The following CREB3L1 variants were observed in gnomAD, a reference collection of about 807,000 sequenced individuals.
CREB3L1 encodes the protein cAMP responsive element binding protein 3 like 1.
Under a neutral mutation model 54.5 loss-of-function variants are expected in CREB3L1, and 33 were observed. That is an observed-to-expected ratio of 0.61 (90% CI 0.46 to 0.81). The LOEUF (loss-of-function observed/expected upper bound fraction) is 0.81. Among genes scored for constraint, CREB3L1 ranks in the 30% least tolerant of loss-of-function variants. The pLI is 0.00. For synonymous variants in CREB3L1, 284 were observed against 286.4 expected (o/e 0.99, Z 0.08); for missense variants, 656 against 673.3 (o/e 0.97, Z 0.29).
rs1480005973 is a variant in CREB3L1, at chr11:46,320,373, G to T, written c.1368G>T (p.Gly456=). The T allele has an allele frequency of 6.2e-7, 1 of 1,610,704 alleles. No homozygotes were observed. The highest frequency in any genetic ancestry group is 1.3e-5 in the African/African-American group (1 of 74,848). Residue 456 remains glycine, a synonymous_variant, in exon 11 of 12, where the codon GGG becomes GGT. Transcript: ENST00000621158. ...EPPDGWEINP[G]GPAEQRPRDH... ...CAGATGGCTGGGAAATCAACCCCGGGGGGCCGGCAGAGCAGCGGCCCCGGG... is the reference window on the plus strand; with the variant it reads ...CAGATGGCTGGGAAATCAACCCCGGTGGGCCGGCAGAGCAGCGGCCCCGGG...
At chr11:46,288,114 G>A (rs949160432) in intron 1 of CREB3L1, among the ~76,000 whole-genome samples, 16 of 150,556 alleles carry the variant, frequency 1.1e-4, no homozygotes, top group African/African-American at 3.7e-4. Flanking sequence ...ATGGAGTCTC[G>A]CTCTGTTGCC....
At chr11:46,312,523 C>T in intron 6 of CREB3L1, 49 bp downstream of exon 6, 1 of 1,609,226 alleles carries the variant, frequency 6.2e-7, no homozygotes, top group Non-Finnish European at 8.5e-7. Flanking sequence ...GGTGGGTGGG[C>T]TCCCCTGGCA....
At position 46,320,319 on chromosome 11, in the gene CREB3L1, C is replaced by T; in HGVS notation, c.1314C>T (p.Gly438=). 6.2e-7 allele frequency: 1 copy of T among 1,612,896 alleles called. No homozygotes were observed. Among genetic ancestry groups the T allele is most frequent in the Non-Finnish European group, 8.5e-7 (1 of 1,179,452 alleles). Residue 438 remains glycine (G), a synonymous_variant, in exon 11 of 12, where the codon GGC becomes GGT. Coordinates refer to ENST00000621158, the MANE Select transcript of CREB3L1 (RefSeq NM_052854.4). ...ACGGGGCAGGCTTATGGGAAGATGG[C>T]CGCAGCACCCTGCTGCCCATGGAGC... is the stretch of plus-strand genomic sequence containing the variant. ...YDDGAGLWED[G]RSTLLPMEPP...
At chr11:46,315,172 T>C (rs941522364) in intron 8 of CREB3L1, 4 of 325,462 alleles carry the variant, frequency 1.2e-5, no homozygotes, top group African/African-American at 6.5e-5. Flanking sequence ...CTCCCCCAGC[T>C]TCTCCAGCGG....
rs1346015644 is a variant in CREB3L1 at position 46,312,532 on chromosome 11, C to A, written c.903+58C>A. 9.3e-6 allele frequency: 15 copies of A among 1,608,868 alleles called. No homozygotes were observed. The Admixed American group carries it at 2.5e-4, about 27-fold the overall frequency. ...TTCCTTGGTGGGTGGGCTCCCCTGGCATACCAGCTCTGAAATTGGGGGGCC... is the reference window on the plus strand; with the variant it reads ...TTCCTTGGTGGGTGGGCTCCCCTGGAATACCAGCTCTGAAATTGGGGGGCC... On this transcript the variant is annotated intron_variant, in intron 6 of 11. Coordinates refer to ENST00000621158, the MANE Select transcript of CREB3L1 (RefSeq NM_052854.4).
At position 46,320,532 on chromosome 11, in the gene CREB3L1, G is replaced by A; in HGVS notation, c.1523+4G>A. On this transcript the variant is annotated splice_donor_region_variant and intron_variant, in intron 11 of 11. Coordinates refer to ENST00000621158, the MANE Select transcript of CREB3L1 (RefSeq NM_052854.4). ...CCAAGGAGTGGTTCCACGACAGGTG[G>A]GGTGTGTGGCCCCTTTCCCTCCTGA... 1 of 1,415,012 alleles carries A rather than the reference G, an allele frequency of 7.1e-7. No individual in the cohort carries two copies. The allele number at this position is 1,415,012 out of a possible 1,614,324, so 87.7% of individuals were successfully genotyped here.
At chr11:46,319,878 CAA>C (rs75400988) in intron 10 of CREB3L1, among the ~76,000 whole-genome samples, 39 of 122,666 alleles carry the variant, frequency 3.2e-4, no homozygotes, top group Non-Finnish European at 3.4e-4. Flanking sequence ...GACTCTGTCT[CAA>C]AAAAAAAAAA....
intron 2 of CREB3L1, 142 bp downstream of exon 2, chr11:46,300,305 C>G: frequency 3.1e-6 from 2 of 643,438 alleles, no homozygotes; most frequent in Non-Finnish European, 5.5e-6. Context: ...TTAGGAGGTG[C>G]TCCTCCCTGC....
chr11:46,297,926 G>A (rs1375232296), intron 1 of CREB3L1, among the ~76,000 whole-genome samples: 3 of 152,262 alleles, frequency 2.0e-5, no homozygotes, highest in Admixed American at 6.5e-5. Context: ...TGTTTTATAT[G>A]TACAGTATTT....
chr11:46,304,685 A>T (rs1366841574), intron 2 of CREB3L1, among the ~76,000 whole-genome samples: 1 of 80,512 alleles, frequency 1.2e-5, no homozygotes, highest in Non-Finnish European at 2.2e-5. Flanking sequence ...TTAATTATTA[A>T]TTTTTTGGGG....
chr11:46,307,885 C>G lies in CREB3L1; in HGVS notation c.401C>G (p.Pro134Arg), dbSNP rs774972826. The G allele has an allele frequency of 3.7e-5, 58 of 1,579,360 alleles. No individual in the cohort carries two copies. The Middle Eastern group carries it at 2.3e-3, about 64-fold the overall frequency. Reference protein sequence around the residue: ...CSIMVKQEQSPELPVDPLAAP... With the variant: ...CSIMVKQEQSRELPVDPLAAP... ...ATCATGGTGAAGCAGGAGCAGAGCCCGGAGCTGCCCGTGGACCCTCTGGCT... is the reference window on the plus strand; with the variant it reads ...ATCATGGTGAAGCAGGAGCAGAGCCGGGAGCTGCCCGTGGACCCTCTGGCT... Residue 134 changes from proline (P) to arginine (R), a missense_variant, in exon 3 of 12, where the codon CCG becomes CGG. Pro to Arg is a moderately radical substitution (Grantham distance 103). This residue lies in a region of CREB3L1 where 339 missense variants were observed against 331.5 expected (regional missense o/e 1.02). Transcript: ENST00000621158.
intron 1 of CREB3L1, among the ~76,000 whole-genome samples, chr11:46,293,820 C>T (rs975709075): frequency 2.0e-5 from 3 of 152,192 alleles, no homozygotes; most frequent in Non-Finnish European, 4.4e-5. Flanking sequence ...AGCGAGTATG[C>T]GTGACCATGT....
chr11:46,288,424 C>A (rs1206879134), intron 1 of CREB3L1, among the ~76,000 whole-genome samples: 2 of 152,174 alleles, frequency 1.3e-5, no homozygotes, highest in Non-Finnish European at 2.9e-5. Flanking sequence ...ACTGTGGTCC[C>A]CCTTGCTGTT....
intron 1 of CREB3L1, among the ~76,000 whole-genome samples, chr11:46,283,048 G>A (rs768201807): frequency 2.0e-5 from 3 of 151,878 alleles, no homozygotes; most frequent in Admixed American, 6.6e-5. Context: ...AAAATGAGCC[G>A]GGCATGGTGG....
intron 2 of CREB3L1, among the ~76,000 whole-genome samples, chr11:46,303,146 G>A (rs1488353208): frequency 6.6e-6 from 1 of 152,162 alleles, no homozygotes; most frequent in Admixed American, 6.6e-5. Flanking sequence ...GGGCTATTTG[G>A]TTGGGACCCA....
chr11:46,301,244 G>A (rs1566185948), intron 2 of CREB3L1, among the ~76,000 whole-genome samples: 1 of 152,044 alleles, frequency 6.6e-6, no homozygotes, highest in African/African-American at 2.4e-5. Flanking sequence ...AGGAGACTGA[G>A]GCACAAGAAC....
intron 1 of CREB3L1, among the ~76,000 whole-genome samples, chr11:46,289,190 C>T (rs2059744677): frequency 6.6e-6 from 1 of 152,102 alleles, no homozygotes; most frequent in African/African-American, 2.4e-5. Context: ...CCAACCTGGA[C>T]AACACAGTGA....
In CREB3L1 at chr11:46,277,671, A is replaced by C. The variant is rs1277965253; in HGVS notation, c.-441A>C. ...GGGTTCCCGGTTTCACAGAGAGGAA[A>C]GTGACAGAAGACGTGCGGAGGGAGA... On this transcript the variant is annotated 5_prime_UTR_variant, in exon 1 of 12. Coordinates refer to ENST00000621158, the MANE Select transcript of CREB3L1 (RefSeq NM_052854.4). The C allele has an allele frequency of 5.2e-6, 1 of 191,640 alleles. No homozygotes were observed. The highest frequency in any genetic ancestry group is 1.1e-5 in the Non-Finnish European group (1 of 91,824). The allele number at this position is 191,640 out of a possible 1,614,324, so 11.9% of individuals were successfully genotyped here.
At chr11:46,312,539 G>C in intron 6 of CREB3L1, 65 bp downstream of exon 6, 22 of 1,609,016 alleles carry the variant, frequency 1.4e-5, no homozygotes, top group Non-Finnish European at 1.7e-5. Flanking sequence ...TGGCATACCA[G>C]CTCTGAAATT....
Sources: gnomAD v4.1 joint callset for allele counts (sites outside exome capture counted in the v4.1 genomes callset) on GRCh38, gnomAD v4.1.1 for gene constraint, gnomAD v4.1.1 regional missense constraint, MANE v1.5 for transcripts, NCBI Gene and HGNC (gene_info 2026-07-23, HGNC 2026-07-21) for gene names.